MRTFA: variants seen among roughly 807,000 people sequenced by gnomAD.
The protein encoded by MRTFA is myocardin-related transcription factor A.
MRTFA carries 20 observed loss-of-function variants against 83.5 expected under a neutral mutation model. The ratio of observed to expected loss-of-function variants is 0.24; its 90% confidence interval spans 0.17 to 0.35. MRTFA has a LOEUF of 0.35. Ranked by LOEUF, MRTFA falls within the 10% of genes least tolerant of loss-of-function variation. The pLI is 1.00. For synonymous variants in MRTFA, 659 were observed against 541.2 expected, an observed-to-expected ratio of 1.22 and a Z score of -3.02; for missense variants, 1,200 against 1,224.7, an observed-to-expected ratio of 0.98 and a Z score of 0.30.
intron 3 of MRTFA, among the ~76,000 whole-genome samples, chr22:40,534,722 C>A (rs530602959): frequency 4.6e-5 from 7 of 152,348 alleles, no homozygotes; most frequent in Middle Eastern, 3.4e-3. Context: ...AGATTACTTT[C>A]AGTCTATCTG....
chr22:40,523,203 G>A (rs1481299844), intron 3 of MRTFA, among the ~76,000 whole-genome samples: 1 of 150,256 alleles, frequency 6.7e-6, no homozygotes, highest in Non-Finnish European at 1.5e-5. Context: ...TTTCTTTTTT[G>A]TTTCCTGTTT....
intron 2 of MRTFA, among the ~76,000 whole-genome samples, chr22:40,591,726 T>G (rs5758018): frequency 0.34 from 51,857 of 152,080 alleles, 9,290 homozygotes; most frequent in East Asian, 0.63. Context: ...CTAACATTTG[T>G]TCAACAAAGA....
chr22:40,519,660 A>G, intron 3 of MRTFA: 1 of 1,213,550 alleles, frequency 8.2e-7, no homozygotes, highest in Middle Eastern at 2.7e-4. Flanking sequence ...AGAATGTTCC[A>G]TAAACTTAAA....
intron 3 of MRTFA, among the ~76,000 whole-genome samples, chr22:40,481,917 G>A (rs1418388126): frequency 6.6e-6 from 1 of 151,992 alleles, no homozygotes; most frequent in Non-Finnish European, 1.5e-5. Flanking sequence ...AAAGTTGGCT[G>A]GGCGTGGTGG....
At position 40,419,163 on chromosome 22, in the gene MRTFA, G is replaced by T. The variant is rs1187899630; in HGVS notation, c.1575C>A (p.Gly525=). The T allele has an allele frequency of 6.3e-7, 1 of 1,584,710 alleles. No individual in the cohort carries two copies. Among genetic ancestry groups the T allele is most frequent in the Non-Finnish European group, 8.6e-7 (1 of 1,165,380 alleles). ...CCACCACCACCTCAGCTGGAGCCAG[G>T]CCTGCTGCCACCAGGGCTGGCCCCG... is the stretch of plus-strand genomic sequence containing the variant. Residue 525 remains glycine (G), a synonymous_variant, in exon 12 of 15, where the codon GGC becomes GGA. Coordinates refer to ENST00000355630, the MANE Select transcript of MRTFA (RefSeq NM_020831.6).
chr22:40,547,944 G>A (rs954036188), intron 3 of MRTFA, among the ~76,000 whole-genome samples: 1 of 152,028 alleles, frequency 6.6e-6, no homozygotes, highest in Non-Finnish European at 1.5e-5. Flanking sequence ...AAGCCTCACA[G>A]GAAAGCATTG....
rs1247544577 is a variant in MRTFA, at chr22:40,457,784, C to T, written c.307+5437G>A. On this transcript the variant is annotated intron_variant, in intron 4 of 14. Coordinates refer to ENST00000355630, the MANE Select transcript of MRTFA (RefSeq NM_020831.6). ...TAACTGTAGCATTAGAAACATGGTACTATATGCTTTATTTCAAGGATTCTC... is the reference window on the plus strand; with the variant it reads ...TAACTGTAGCATTAGAAACATGGTATTATATGCTTTATTTCAAGGATTCTC... Among the ~76,000 whole-genome samples the T allele has an allele frequency of 3.9e-5, 6 of 152,140 alleles. No homozygotes were observed. The East Asian group carries it at 1.2e-3, about 29-fold the overall frequency.
chr22:40,551,889 T>A (rs1469498595), intron 3 of MRTFA, among the ~76,000 whole-genome samples: 15 of 152,104 alleles, frequency 9.9e-5, no homozygotes. Flanking sequence ...AGGAATAGGG[T>A]GAGGGAAGCA....
At chr22:40,459,471 T>C (rs1288645209) in intron 4 of MRTFA, among the ~76,000 whole-genome samples, 1 of 151,978 alleles carries the variant, frequency 6.6e-6, no homozygotes, top group Non-Finnish European at 1.5e-5. Context: ...AAATGCAATA[T>C]TCTCATAGAA....
intron 3 of MRTFA, among the ~76,000 whole-genome samples, chr22:40,502,804 G>A (rs976487365): frequency 9.9e-5 from 15 of 152,150 alleles, no homozygotes; most frequent in African/African-American, 2.2e-4. Context: ...AGACAGCTCC[G>A]CTGCCCGCTG....
At chr22:40,500,926 G>GC (rs2054457722) in intron 3 of MRTFA, among the ~76,000 whole-genome samples, 1 of 148,508 alleles carries the variant, frequency 6.7e-6, no homozygotes, top group East Asian at 2.0e-4. Flanking sequence ...CCCAGACGGG[G>GC]TGGTGGCCGG....
chr22:40,630,040 C>T (rs936414777), intron 1 of MRTFA, among the ~76,000 whole-genome samples: 9 of 151,812 alleles, frequency 5.9e-5, no homozygotes, highest in Admixed American at 5.3e-4. Flanking sequence ...TGGCCAAGCA[C>T]GGTGGCTCAT....
intron 1 of MRTFA, among the ~76,000 whole-genome samples, chr22:40,614,496 TTTTTC>T (rs1326418927): frequency 1.3e-5 from 2 of 152,184 alleles, no homozygotes; most frequent in African/African-American, 4.8e-5. Context: ...ATATTTTTTC[TTTTTC>T]TTTTGAGACG....
intron 1 of MRTFA, among the ~76,000 whole-genome samples, chr22:40,635,468 T>C (rs2056685632): frequency 6.6e-6 from 1 of 152,186 alleles, no homozygotes; most frequent in Admixed American, 6.5e-5. Flanking sequence ...ATACGAAGCA[T>C]GGGGTAATTC....
intron 4 of MRTFA, among the ~76,000 whole-genome samples, chr22:40,447,735 A>G (rs906471758): frequency 2.6e-5 from 4 of 152,220 alleles, no homozygotes; most frequent in African/African-American, 9.7e-5. Context: ...ACCTCACTTC[A>G]GCTTCTCAGT....
rs71199292 is a variant in MRTFA, at chr22:40,571,026, C to CAAAAAAA, written c.-21-18666_-21-18660dup. ...GCAACATAGTGAATCCCTGTCTCTACAAAAAAAAAAAAAAAAAAAAAAAAA... is the reference window on the plus strand; with the variant it reads ...GCAACATAGTGAATCCCTGTCTCTACAAAAAAAAAAAAAAAAAAAAAAAAAAAAAAAA... On this transcript the variant is annotated intron_variant, in intron 2 of 14. Transcript: ENST00000355630. Among the ~76,000 whole-genome samples the CAAAAAAA allele has an allele frequency of 7.5e-4, 35 of 46,724 alleles. 2 individuals are homozygous for CAAAAAAA. Among genetic ancestry groups the CAAAAAAA allele is most frequent in the East Asian group, 9.8e-4 (2 of 2,042 alleles). 30.7% of individuals were successfully genotyped at this position (46,724 alleles called of 152,430 possible).
chr22:40,575,621 G>C (rs142104877), intron 2 of MRTFA, among the ~76,000 whole-genome samples: 1 of 152,284 alleles, frequency 6.6e-6, no homozygotes, highest in African/African-American at 2.4e-5. Flanking sequence ...AAATTTAGGT[G>C]ATATAAACAA....
intron 1 of MRTFA, among the ~76,000 whole-genome samples, chr22:40,615,500 C>T (rs2056438106): frequency 6.6e-6 from 1 of 152,054 alleles, no homozygotes; most frequent in African/African-American, 2.4e-5. Flanking sequence ...AATTTCTCCC[C>T]AAAAAGTCCT....
At chr22:40,417,772 T>C (rs1380944046) in intron 12 of MRTFA, 3 of 440,210 alleles carry the variant, frequency 6.8e-6, no homozygotes, top group Middle Eastern at 6.2e-4. Flanking sequence ...AGCTTCTTTC[T>C]CTGCTTGGGG....
Sources: allele counts gnomAD v4.1 joint callset (sites outside exome capture counted in the v4.1 genomes callset), GRCh38; gene constraint gnomAD v4.1.1; transcripts MANE v1.5; gene names NCBI Gene and HGNC (gene_info 2026-07-23, HGNC 2026-07-21).